BABAM2: variants seen among roughly 807,000 people sequenced by gnomAD.
BABAM2 encodes the protein BRISC and BRCA1 A complex member 2.
A neutral mutation model predicts 54.7 loss-of-function variants in BABAM2; 31 were observed. The observed-to-expected ratio is 0.57, with a 90% confidence interval of 0.43 to 0.77. The LOEUF (loss-of-function observed/expected upper bound fraction) is 0.77. Ranked by LOEUF, BABAM2 falls within the 30% of genes least tolerant of loss-of-function variation. The probability of loss-of-function intolerance (pLI) is 0.00; values close to 1 mark genes in which losing one functional copy is unlikely to be tolerated. For missense variants in BABAM2, 364 were observed against 455.8 expected, an observed-to-expected ratio of 0.80 and a Z score of 1.83; for synonymous variants, 167 against 162.9, an observed-to-expected ratio of 1.03 and a Z score of -0.19.
intron 3 of BABAM2, among the ~76,000 whole-genome samples, chr2:27,965,977 T>C (rs1167220304): frequency 6.6e-6 from 1 of 152,194 alleles, no homozygotes; most frequent in Non-Finnish European, 1.5e-5. Context: ...ATTTGTTCTC[T>C]AGTTTTCCAC....
Position 28,298,468 on chromosome 2 carries a change from A to C in BABAM2, c.1065A>C (p.Gly355=). Residue 355 remains glycine (G), a synonymous_variant, in exon 11 of 12, where the codon GGA becomes GGC. Coordinates refer to ENST00000379624, the MANE Select transcript of BABAM2 (RefSeq NM_199191.3). The part of the protein sequence containing the change: ...KNYPYSPRWD[G]NEMAKRAKAY... The stretch of plus-strand genomic sequence containing the variant: ...ATCCGTACAGCCCCAGATGGGATGG[A>C]AATGAAATGGCCAAAAGAGCAAAGT... 1 of 1,614,162 alleles carries C rather than the reference A, an allele frequency of 6.2e-7. No homozygotes were observed. The highest frequency in any genetic ancestry group is 1.7e-5 in the Admixed American group (1 of 60,020).
chr2:27,976,253 A>G (rs531149813), intron 3 of BABAM2, among the ~76,000 whole-genome samples: 9 of 152,244 alleles, frequency 5.9e-5, no homozygotes, highest in Admixed American at 3.9e-4. Flanking sequence ...ACATGTACAT[A>G]TATGTTTGTA....
At chr2:28,269,551 G>T (rs1417414295) in intron 10 of BABAM2, among the ~76,000 whole-genome samples, 2 of 152,150 alleles carry the variant, frequency 1.3e-5, no homozygotes, top group Non-Finnish European at 2.9e-5. Context: ...GTGACTTTCG[G>T]TCTCTTGGGT....
chr2:27,955,481 T>G (rs901151658), intron 3 of BABAM2, among the ~76,000 whole-genome samples: 6 of 152,260 alleles, frequency 3.9e-5, no homozygotes, highest in Admixed American at 2.0e-4. Flanking sequence ...GAAATTACTC[T>G]GATCGTTTTG....
chr2:28,044,995 TAAA>T (rs769876276), intron 5 of BABAM2, among the ~76,000 whole-genome samples: 1 of 138,592 alleles, frequency 7.2e-6, no homozygotes, highest in Non-Finnish European at 1.6e-5. Flanking sequence ...ATGACAAAGT[TAAA>T]AAAAAAAAAA....
intron 6 of BABAM2, among the ~76,000 whole-genome samples, chr2:28,118,676 G>A (rs1244023169): frequency 6.6e-6 from 1 of 151,768 alleles, no homozygotes; most frequent in African/African-American, 2.4e-5. Flanking sequence ...TAGGTTGCCT[G>A]TTCACTCCAA....
At chr2:28,043,239 T>C (rs988963405) in intron 5 of BABAM2, among the ~76,000 whole-genome samples, 2 of 150,800 alleles carry the variant, frequency 1.3e-5, no homozygotes, top group Non-Finnish European at 3.0e-5. Flanking sequence ...CAAGGGATTC[T>C]CATGCCTCAG....
chr2:27,926,438 C>A (rs1279924197), intron 2 of BABAM2, among the ~76,000 whole-genome samples: 2 of 152,168 alleles, frequency 1.3e-5, no homozygotes, highest in African/African-American at 4.8e-5. Flanking sequence ...TTTGCTCTGC[C>A]TGGAATGCTC....
intron 2 of BABAM2, among the ~76,000 whole-genome samples, chr2:27,913,020 C>G (rs1347189710): frequency 2.0e-5 from 3 of 152,038 alleles, no homozygotes; most frequent in African/African-American, 7.2e-5. Flanking sequence ...ATCTTCATAT[C>G]CAAGGACCTT....
At chr2:28,104,704 A>G (rs1387347227) in intron 6 of BABAM2, among the ~76,000 whole-genome samples, 2 of 152,182 alleles carry the variant, frequency 1.3e-5, no homozygotes, top group East Asian at 3.9e-4. Flanking sequence ...TACCCAAAGG[A>G]TTATAAATCA....
At chr2:28,327,786 G>A (rs746853861) in intron 11 of BABAM2, among the ~76,000 whole-genome samples, 1 of 152,216 alleles carries the variant, frequency 6.6e-6, no homozygotes, top group South Asian at 2.1e-4. Context: ...ATGTGGTACT[G>A]TGTTCCCACT....
At chr2:28,273,013 A>G (rs1182456708) in intron 10 of BABAM2, among the ~76,000 whole-genome samples, 1 of 152,188 alleles carries the variant, frequency 6.6e-6, no homozygotes, top group African/African-American at 2.4e-5. Context: ...AATGCCGTGG[A>G]ACTTTCTTAC....
intron 2 of BABAM2, among the ~76,000 whole-genome samples, chr2:27,912,788 G>T (rs1371759726): frequency 6.6e-6 from 1 of 152,190 alleles, no homozygotes; most frequent in Non-Finnish European, 1.5e-5. Context: ...CCAAGAATAT[G>T]TTGGAGCTAC....
At chr2:28,045,846 A>G in intron 6 of BABAM2, 47 bp downstream of exon 6, 2 of 1,420,922 alleles carry the variant, frequency 1.4e-6, no homozygotes, top group Non-Finnish European at 1.9e-6. Context: ...GAGCTTTTTA[A>G]GTAATTATTT....
At chr2:28,208,623 CCCTT>C (rs1679132228) in intron 7 of BABAM2, among the ~76,000 whole-genome samples, 2 of 150,246 alleles carry the variant, frequency 1.3e-5, no homozygotes, top group Non-Finnish European at 3.0e-5. Context: ...CTCCCTCCCT[CCCTT>C]CCTCTTTCTT....
chr2:28,204,522 C>G (rs1678621003), intron 7 of BABAM2, among the ~76,000 whole-genome samples: 1 of 151,550 alleles, frequency 6.6e-6, no homozygotes, highest in South Asian at 2.1e-4. Flanking sequence ...GCTCTTTGGC[C>G]TATTTTTTTT....
intron 3 of BABAM2, among the ~76,000 whole-genome samples, chr2:27,969,950 C>T (rs144707388): frequency 9.9e-5 from 15 of 152,218 alleles, no homozygotes; most frequent in African/African-American, 3.1e-4. Flanking sequence ...GGTGGGAGGA[C>T]GAAGGGAGTA....
At chr2:28,274,874 G>A (rs768960041) in intron 10 of BABAM2, among the ~76,000 whole-genome samples, 1 of 152,148 alleles carries the variant, frequency 6.6e-6, no homozygotes, top group Non-Finnish European at 1.5e-5. Context: ...CTTAGGAGAG[G>A]TTATGTAACA....
At chr2:28,234,412 C>T (rs879761185) in intron 7 of BABAM2, among the ~76,000 whole-genome samples, 6 of 151,974 alleles carry the variant, frequency 3.9e-5, no homozygotes, top group South Asian at 2.1e-4. Context: ...TTTTGTCTAA[C>T]GGCTGTATTT....
Sources: allele counts gnomAD v4.1 joint callset (sites outside exome capture counted in the v4.1 genomes callset), GRCh38; gene constraint gnomAD v4.1.1; transcripts MANE v1.5; gene names NCBI Gene and HGNC (gene_info 2026-07-23, HGNC 2026-07-21).